The following GPC6 variants were observed in gnomAD, a reference collection of about 807,000 sequenced individuals.
GPC6 encodes the protein glypican 6, also known as glypican-6.
Under a neutral mutation model 55.2 loss-of-function variants are expected in GPC6, and 14 were observed. The observed-to-expected ratio is 0.25, with a 90% CI of 0.17 to 0.40. The LOEUF (loss-of-function observed/expected upper bound fraction) is 0.40, where lower values mean the gene tolerates loss of function less well. Ranked by LOEUF, GPC6 falls within the 10% of genes least tolerant of loss-of-function variation. The pLI, the probability that GPC6 is intolerant of heterozygous loss-of-function variation, is 1.00. For synonymous variants in GPC6, 278 were observed against 259.6 expected, an observed-to-expected ratio of 1.07 and a Z score of -0.68; for missense variants, 641 against 708.5, an observed-to-expected ratio of 0.90 and a Z score of 1.08.
chr13:94,035,534 C>T (rs2138731720), intron 4 of GPC6, among the ~76,000 whole-genome samples: 1 of 152,040 alleles, frequency 6.6e-6, no homozygotes, highest in Non-Finnish European at 1.5e-5. Context: ...GTAACAAGTC[C>T]CACGGCCACC....
rs565428537 is a variant in GPC6, at chr13:93,320,927, G to GT, written c.160+93317dup. ...ACGAATTTCTATTGTAACAATAGCGGTTTTTTAAATTGCAATGGTTTTTGT... is the reference window on the plus strand; with the variant it reads ...ACGAATTTCTATTGTAACAATAGCGGTTTTTTTAAATTGCAATGGTTTTTGT... On this transcript the variant is annotated intron_variant, in intron 1 of 8. Coordinates refer to ENST00000377047, the MANE Select transcript of GPC6 (RefSeq NM_005708.5). Among the ~76,000 whole-genome samples the GT allele has an allele frequency of 8.8e-4, 126 of 143,516 alleles. 1 individual carries two copies. The highest frequency in any genetic ancestry group is 2.6e-3 in the African/African-American group (101 of 38,288). 94.2% of individuals were successfully genotyped at this position (143,516 alleles called of 152,430 possible).
chr13:94,035,516 G>A (rs1883302033), intron 4 of GPC6, among the ~76,000 whole-genome samples: 1 of 152,034 alleles, frequency 6.6e-6, no homozygotes, highest in African/African-American at 2.4e-5. Context: ...TTCACAAATA[G>A]CAAAGTTGTA....
intron 3 of GPC6, among the ~76,000 whole-genome samples, chr13:93,847,912 C>A (rs1183629525): frequency 6.6e-6 from 1 of 152,214 alleles, no homozygotes; most frequent in African/African-American, 2.4e-5. Flanking sequence ...GAAGAGCTGA[C>A]TTTGGGCTTA....
chr13:93,944,947 C>T (rs892297425), intron 3 of GPC6, among the ~76,000 whole-genome samples: 2 of 151,948 alleles, frequency 1.3e-5, no homozygotes, highest in Admixed American at 1.3e-4. Flanking sequence ...ACCACATAAG[C>T]GATGTAAATT....
intron 1 of GPC6, among the ~76,000 whole-genome samples, chr13:93,307,420 C>T (rs1404448091): frequency 6.6e-6 from 1 of 152,086 alleles, no homozygotes; most frequent in Non-Finnish European, 1.5e-5. Context: ...GCTTAGTAAT[C>T]TTAACCACAT....
At chr13:94,031,081 CGTGTGT>C (rs900171157) in intron 4 of GPC6, among the ~76,000 whole-genome samples, 117 of 145,820 alleles carry the variant, frequency 8.0e-4, no homozygotes, top group Admixed American at 3.4e-3. Flanking sequence ...TGTGCGTGTG[CGTGTGT>C]GTGTGCGTGT....
At chr13:93,761,057 G>T (rs1884937366) in intron 2 of GPC6, among the ~76,000 whole-genome samples, 1 of 152,210 alleles carries the variant, frequency 6.6e-6, no homozygotes, top group East Asian at 1.9e-4. Context: ...TTAAAGAAAA[G>T]TTGCTTTAAA....
At chr13:93,283,889 G>C (rs1878029722) in intron 1 of GPC6, among the ~76,000 whole-genome samples, 1 of 152,108 alleles carries the variant, frequency 6.6e-6, no homozygotes, top group South Asian at 2.1e-4. Flanking sequence ...GAGTGGAGGG[G>C]TACATAACTC....
chr13:93,386,978 A>G (rs972234100), intron 1 of GPC6, among the ~76,000 whole-genome samples: 24 of 152,130 alleles, frequency 1.6e-4, no homozygotes, highest in African/African-American at 5.6e-4. Flanking sequence ...TTTAGGGCCA[A>G]TCCTAATTCA....
chr13:93,899,787 G>A (rs991447683), intron 3 of GPC6, among the ~76,000 whole-genome samples: 1 of 152,054 alleles, frequency 6.6e-6, no homozygotes, highest in African/African-American at 2.4e-5. Flanking sequence ...GTCTGTCAAG[G>A]CCTTTGAGGA....
At chr13:93,523,667 G>T (rs768357697) in intron 1 of GPC6, among the ~76,000 whole-genome samples, 11 of 151,974 alleles carry the variant, frequency 7.2e-5, no homozygotes, top group Admixed American at 2.0e-4. Context: ...GAAAGACAAA[G>T]ATTCAAATGT....
At chr13:93,651,839 C>T (rs908179569) in intron 2 of GPC6, among the ~76,000 whole-genome samples, 1 of 152,104 alleles carries the variant, frequency 6.6e-6, no homozygotes, top group Non-Finnish European at 1.5e-5. Flanking sequence ...ACCTGGGGAG[C>T]CGTTAACAAA....
At chr13:94,036,663 A>G (rs774161633) in intron 4 of GPC6, among the ~76,000 whole-genome samples, 2 of 152,006 alleles carry the variant, frequency 1.3e-5, no homozygotes, top group Admixed American at 6.6e-5. Context: ...AGAAGTAACA[A>G]TGGCTACCCA....
At chr13:93,437,836 A>G (rs528580710) in intron 1 of GPC6, among the ~76,000 whole-genome samples, 2 of 152,336 alleles carry the variant, frequency 1.3e-5, no homozygotes, top group East Asian at 3.9e-4. Context: ...CCTCTATTAG[A>G]AGAAAATACC....
At chr13:93,699,439 C>T (rs1029406914) in intron 2 of GPC6, among the ~76,000 whole-genome samples, 2 of 152,020 alleles carry the variant, frequency 1.3e-5, no homozygotes, top group African/African-American at 4.8e-5. Context: ...AGAACAGGCA[C>T]GCTTCTTCAT....
chr13:94,235,305 G>A (rs1290237311), intron 4 of GPC6, among the ~76,000 whole-genome samples: 1 of 152,162 alleles, frequency 6.6e-6, no homozygotes, highest in Non-Finnish European at 1.5e-5. Flanking sequence ...AACAATCTCT[G>A]GGAGCGTCTC....
At chr13:94,393,765 T>C (rs1359126) in intron 7 of GPC6, among the ~76,000 whole-genome samples, 126,711 of 151,802 alleles carry the variant, frequency 0.83, 52,964 homozygotes, top group Admixed American at 0.88. Flanking sequence ...TACTGGCTTT[T>C]AAATTTCATT....
At chr13:93,675,166 A>G (rs1170435155) in intron 2 of GPC6, among the ~76,000 whole-genome samples, 1 of 152,144 alleles carries the variant, frequency 6.6e-6, no homozygotes, top group African/African-American at 2.4e-5. Context: ...GCGCTTCCTT[A>G]TGCAATATCT....
chr13:93,449,001 T>A (rs1878113299), intron 1 of GPC6, among the ~76,000 whole-genome samples: 1 of 152,232 alleles, frequency 6.6e-6, no homozygotes, highest in Non-Finnish European at 1.5e-5. Context: ...AATTCAGAAT[T>A]CTCATCTTCA....
Sources: allele counts gnomAD v4.1 joint callset (sites outside exome capture counted in the v4.1 genomes callset), GRCh38; gene constraint gnomAD v4.1.1; transcripts MANE v1.5; gene names NCBI Gene and HGNC (gene_info 2026-07-23, HGNC 2026-07-21).